Variants in RILPL1 observed in about 807,000 individuals in gnomAD.
RILPL1 encodes the protein RILP-like protein 1.
Under a neutral mutation model 50.3 loss-of-function variants are expected in RILPL1, and 33 were observed. That is an observed-to-expected ratio of 0.66 (90% CI 0.50 to 0.88). The LOEUF (loss-of-function observed/expected upper bound fraction) is 0.88. RILPL1 is among the 40% of genes least tolerant of loss of function. RILPL1 has a pLI of 0.00. For synonymous variants in RILPL1, 205 were observed against 228.6 expected, an observed-to-expected ratio of 0.90 and a Z score of 0.93; for missense variants, 418 against 542.5, an observed-to-expected ratio of 0.77 and a Z score of 2.28.
intron 5 of RILPL1, 26 bp from the exon 6 acceptor site, chr12:123,484,298 TAA>T (rs753182196): frequency 2.1e-6 from 3 of 1,462,160 alleles, no homozygotes; most frequent in Middle Eastern, 1.7e-4. Context: ...AGGCGTGAGA[TAA>T]AAGAGTCAAA....
intron 6 of RILPL1, among the ~76,000 whole-genome samples, chr12:123,477,379 C>T (rs1881672106): frequency 6.7e-6 from 1 of 148,474 alleles, no homozygotes; most frequent in Non-Finnish European, 1.5e-5. Context: ...CGCTTTGCCA[C>T]CCAGGCTGCA....
In RILPL1 at chr12:123,485,384, A is replaced by G. The variant is rs1292260391; in HGVS notation, c.974+249T>C. Among the ~76,000 whole-genome samples the G allele has an allele frequency of 6.6e-6, 1 of 152,190 alleles. No homozygotes were observed. Among genetic ancestry groups the G allele is most frequent in the Non-Finnish European group, 1.5e-5 (1 of 68,038 alleles). ...GGCTAGTCTCGAATGCCTGGGATCA[A>G]GCAATCTTCCCGCCTCGGCCTCCCA... On this transcript the variant is annotated intron_variant, in intron 5 of 6. Transcript: ENST00000376874. The surrounding 1 kb of genome is among the most constrained non-coding windows in gnomAD (Gnocchi z 4.0).
At chr12:123,516,966 CAGG>C (rs1451996116) in intron 2 of RILPL1, among the ~76,000 whole-genome samples, 3 of 152,074 alleles carry the variant, frequency 2.0e-5, no homozygotes, top group African/African-American at 7.2e-5. Flanking sequence ...GAGGCTGAGG[CAGG>C]AGGATTACCT....
Position 123,522,886 on chromosome 12 carries a change from C to T in RILPL1, c.460+609G>A, listed in dbSNP as rs983260964. Among the ~76,000 whole-genome samples, 9 of 152,182 alleles carry T rather than the reference C, an allele frequency of 5.9e-5. No homozygotes were observed. The highest frequency in any genetic ancestry group is 1.0e-4 in the Non-Finnish European group (7 of 68,042). The stretch of plus-strand genomic sequence containing the variant: ...GGGATCACAGGTGTGAGCCACTGCG[C>T]GCGGCCTACACCGGCCTTCTTGGTT... On this transcript the variant is annotated intron_variant, in intron 2 of 6. Coordinates refer to ENST00000376874, the MANE Select transcript of RILPL1 (RefSeq NM_178314.5). The surrounding 1 kb of genome is among the most constrained non-coding windows in gnomAD (Gnocchi z 4.0).
At chr12:123,475,568 G>A in intron 6 of RILPL1, 1 of 778,796 alleles carries the variant, frequency 1.3e-6, no homozygotes, top group Non-Finnish European at 2.2e-6. Context: ...TGCAGCTTAA[G>A]TGGCCAGGGG....
At chr12:123,505,467 C>T (rs901533137) in intron 2 of RILPL1, among the ~76,000 whole-genome samples, 3 of 151,934 alleles carry the variant, frequency 2.0e-5, no homozygotes, top group South Asian at 2.1e-4. Context: ...GGGACCACTG[C>T]GTGCACCACC....
intron 2 of RILPL1, among the ~76,000 whole-genome samples, chr12:123,507,630 T>G (rs1044157950): frequency 1.3e-5 from 2 of 150,326 alleles, no homozygotes; most frequent in African/African-American, 4.9e-5. Flanking sequence ...CTTTATACAC[T>G]GCTGATGGGA....
At chr12:123,511,247 G>T (rs111173992) in intron 2 of RILPL1, among the ~76,000 whole-genome samples, 6,939 of 135,924 alleles carry the variant, frequency 0.051, 528 homozygotes, top group African/African-American at 0.19. Context: ...TGTGTGGTGT[G>T]TGTGTGAGGT....
rs1419916617 is a variant in RILPL1 at position 123,522,356 on chromosome 12, C to A, written c.460+1139G>T. ...GTCCTTTTCCCAGCACCAGCAGAGG[C>A]CCTGCATGAAGGTTCTAAACAAGTG... On this transcript the variant is annotated intron_variant, in intron 2 of 6. Transcript: ENST00000376874. The surrounding 1 kb of genome is among the most constrained non-coding windows in gnomAD (Gnocchi z 4.0). 6.6e-6 allele frequency among the ~76,000 whole-genome samples: 1 copy of A among 152,188 alleles called. No individual in the cohort carries two copies. The highest frequency in any genetic ancestry group is 2.4e-5 in the African/African-American group (1 of 41,450).
intron 2 of RILPL1, among the ~76,000 whole-genome samples, chr12:123,510,710 G>A (rs1884062902): frequency 7.5e-6 from 1 of 133,580 alleles, no homozygotes; most frequent in African/African-American, 2.7e-5. Context: ...GTCTGTGTGT[G>A]GTGTCAATGT....
Position 123,481,875 on chromosome 12 carries a change from C to A in RILPL1, c.1067+2305G>T, listed in dbSNP as rs1593536558. On this transcript the variant is annotated intron_variant, in intron 6 of 6. Coordinates refer to ENST00000376874, the MANE Select transcript of RILPL1 (RefSeq NM_178314.5). ...CCCAGCCCCAAATTTGTTTTGTTTTCTTTTTTCTTTTTTGAGATGGAGTCT... is the reference window on the plus strand; with the variant it reads ...CCCAGCCCCAAATTTGTTTTGTTTTATTTTTTCTTTTTTGAGATGGAGTCT... Among the ~76,000 whole-genome samples the A allele has an allele frequency of 1.3e-5, 2 of 150,368 alleles. 1 individual carries two copies.
chr12:123,474,251 G>A (rs1881432877), intron 6 of RILPL1: 1 of 152,274 alleles, frequency 6.6e-6, no homozygotes, highest in Non-Finnish European at 1.5e-5. Context: ...CCTGGTCAGT[G>A]AACCTGAAAT....
At chr12:123,481,864 T>G (rs1882027723) in intron 6 of RILPL1, among the ~76,000 whole-genome samples, 1 of 151,496 alleles carries the variant, frequency 6.6e-6, no homozygotes. Flanking sequence ...GCCCCAAATT[T>G]GTTTTGTTTT....
chr12:123,473,699 C>T (rs1881373169), intron 6 of RILPL1: 1 of 151,814 alleles, frequency 6.6e-6, no homozygotes, highest in Admixed American at 6.6e-5. Context: ...CTGAGGTAGA[C>T]AGAGGTCTTT....
rs1200600204 is a variant in RILPL1, at chr12:123,485,080, GTCCT to G, written c.974+549_974+552del. ...AGCAGGGACCACCTCTGGTGCATGG[GTCCT>G]TCCTTCCAGCTTTCTATTCAACAGA... On this transcript the variant is annotated intron_variant, in intron 5 of 6. Transcript: ENST00000376874. The surrounding 1 kb of genome is among the most constrained non-coding windows in gnomAD (Gnocchi z 4.0). The G allele has an allele frequency of 6.7e-6, 3 of 450,406 alleles. No homozygotes were observed. Among genetic ancestry groups the G allele is most frequent in the Non-Finnish European group, 1.4e-5 (3 of 222,172 alleles). The allele number at this position is 450,406 out of a possible 1,614,324, so 27.9% of individuals were successfully genotyped here.
At position 123,491,351 on chromosome 12, in the gene RILPL1, CCT is replaced by C. The variant is rs367840296; in HGVS notation, c.802-5548_802-5547del. On this transcript the variant is annotated intron_variant, in intron 4 of 6. Transcript: ENST00000376874. This position sits in a 1 kb window ranked among gnomAD's most constrained non-coding sequence, Gnocchi z 4.0. ...TCTGGGCACAGCTTCAGAGCGATAC[CCT>C]GAGGCCTCAGCTGCTTCCCAGGAAG... is the stretch of plus-strand genomic sequence containing the variant. Among the ~76,000 whole-genome samples, 87 of 152,268 alleles carry C rather than the reference CCT, an allele frequency of 5.7e-4. 2 individuals carry two copies. In the East Asian group the frequency reaches 7.2e-3, roughly 13 times the overall value.
intron 6 of RILPL1, among the ~76,000 whole-genome samples, chr12:123,483,242 G>A (rs1016700849): frequency 6.6e-6 from 1 of 152,250 alleles, no homozygotes; most frequent in Non-Finnish European, 1.5e-5. Flanking sequence ...GCACAAGGCT[G>A]TCTTGCAGAG....
intron 1 of RILPL1, among the ~76,000 whole-genome samples, chr12:123,526,394 A>T (rs1228173756): frequency 1.3e-5 from 2 of 152,200 alleles, no homozygotes; most frequent in Non-Finnish European, 2.9e-5. Flanking sequence ...CCTAAGTCTG[A>T]ATCCTGTTTC....
At chr12:123,490,827 C>G (rs879562358) in intron 4 of RILPL1, among the ~76,000 whole-genome samples, 1 of 151,632 alleles carries the variant, frequency 6.6e-6, no homozygotes, top group Admixed American at 6.6e-5. Context: ...CTCAGCTCAC[C>G]GCAACCTCTG....
Sources: allele counts gnomAD v4.1 joint callset (sites outside exome capture counted in the v4.1 genomes callset), GRCh38; gene constraint gnomAD v4.1.1; non-coding constraint Gnocchi (gnomAD v3.1); transcripts MANE v1.5; gene names NCBI Gene and HGNC (gene_info 2026-07-23, HGNC 2026-07-21).